The following TRIO variants were observed in gnomAD, a reference collection of about 807,000 sequenced individuals.
TRIO encodes the protein trio Rho guanine nucleotide exchange factor.
TRIO carries 58 observed loss-of-function variants against 351.9 expected under a neutral mutation model. The observed-to-expected ratio is 0.16, with a 90% CI of 0.13 to 0.21. The LOEUF is 0.21. Among genes scored for constraint, TRIO ranks in the 10% least tolerant of loss-of-function variants. The probability of loss-of-function intolerance (pLI) is 1.00; values close to 1 mark genes in which losing one functional copy is unlikely to be tolerated. For synonymous variants in TRIO, 1,758 were observed against 1,595.7 expected, an observed-to-expected ratio of 1.10 and a Z score of -2.42; for missense variants, 3,201 against 4,027.8, an observed-to-expected ratio of 0.79 and a Z score of 5.56.
At chr5:14,287,086 A>T (rs1334605749) in intron 4 of TRIO, 23 bp downstream of exon 4, 1 of 1,608,058 alleles carries the variant, frequency 6.2e-7, no homozygotes, top group East Asian at 2.2e-5. Flanking sequence ...GTGTGGCTAG[A>T]CCCACTAAAC....
intron 1 of TRIO, among the ~76,000 whole-genome samples, chr5:14,227,015 A>G (rs1561224886): frequency 6.6e-6 from 1 of 152,170 alleles, no homozygotes; most frequent in Non-Finnish European, 1.5e-5. Context: ...ATCATAGGAA[A>G]GCTTTTCATA....
chr5:14,159,058 C>T (rs1049478909), intron 1 of TRIO, among the ~76,000 whole-genome samples: 3 of 152,152 alleles, frequency 2.0e-5, no homozygotes, highest in Admixed American at 6.5e-5. Context: ...AAGGTTACCA[C>T]GCGCACAGTG....
chr5:14,264,899 G>A (rs938859742), intron 1 of TRIO, among the ~76,000 whole-genome samples: 1 of 152,154 alleles, frequency 6.6e-6, no homozygotes, highest in Non-Finnish European at 1.5e-5. Context: ...GCAGGCGTGC[G>A]CGCGCGAAGT....
rs1317129780 is a variant in TRIO, at chr5:14,504,447, G to A, written c.8466G>A (p.Val2822=). 1 of 1,614,186 alleles carries A rather than the reference G, an allele frequency of 6.2e-7. No individual in the cohort carries two copies. The highest frequency in any genetic ancestry group is 8.5e-7 in the Non-Finnish European group (1 of 1,180,042). Reference sequence around the variant, plus strand: ...ATCAGAAAGGAACCAAGCGAGCAGTGGCCACTAAGTTTGTGAACAAGAAGT... The same window carrying A: ...ATCAGAAAGGAACCAAGCGAGCAGTAGCCACTAAGTTTGTGAACAAGAAGT... ...KCDQKGTKRA[V]ATKFVNKKLM... is the part of the protein sequence containing the mutation. Residue 2822 remains valine (V), a synonymous_variant, in exon 55 of 57, where the codon GTG becomes GTA. Transcript: ENST00000344204.
chr5:14,302,393 G>T (rs1442078812), intron 7 of TRIO, among the ~76,000 whole-genome samples: 1 of 152,120 alleles, frequency 6.6e-6, no homozygotes, highest in Non-Finnish European at 1.5e-5. Flanking sequence ...AATGATGATG[G>T]TTAACCTCAA....
chr5:14,439,254 T>G (rs188908555), intron 34 of TRIO, among the ~76,000 whole-genome samples: 1 of 152,278 alleles, frequency 6.6e-6, no homozygotes, highest in Admixed American at 6.5e-5. Context: ...GACCTCATGA[T>G]CCACCTGCCT....
rs567680492 is a variant in TRIO, at chr5:14,172,870, T to C, written c.157+28988T>C. ...GCAGGTGTCATATCCTTGAGCCTGC[T>C]GAGGGATCAGAGTGGACTCTGGAAG... On this transcript the variant is annotated intron_variant, in intron 1 of 56. Coordinates refer to ENST00000344204, the MANE Select transcript of TRIO (RefSeq NM_007118.4). Among the ~76,000 whole-genome samples the C allele has an allele frequency of 1.8e-4, 27 of 152,324 alleles. No homozygotes were observed. In the South Asian group the frequency reaches 4.8e-3, roughly 27 times the overall value.
intron 7 of TRIO, among the ~76,000 whole-genome samples, chr5:14,302,193 G>C (rs1737961501): frequency 6.6e-6 from 1 of 152,154 alleles, no homozygotes; most frequent in Non-Finnish European, 1.5e-5. Context: ...TTTTGATATA[G>C]TGATATGTTA....
At chr5:14,456,243 C>T (rs1235495876) in intron 34 of TRIO, among the ~76,000 whole-genome samples, 3 of 152,258 alleles carry the variant, frequency 2.0e-5, no homozygotes, top group South Asian at 2.1e-4. Flanking sequence ...CCCCAGTTCC[C>T]GCCTGCACCT....
chr5:14,437,692 C>A (rs977081915), intron 34 of TRIO, among the ~76,000 whole-genome samples: 1 of 140,556 alleles, frequency 7.1e-6, no homozygotes, highest in Non-Finnish European at 1.5e-5. Flanking sequence ...GACCACCCCC[C>A]CCGCCCCAAG....
intron 34 of TRIO, chr5:14,420,481 C>G (rs927009583): frequency 1.3e-5 from 2 of 154,578 alleles, no homozygotes; most frequent in Middle Eastern, 3.1e-3. Flanking sequence ...CCGGATTTCT[C>G]AGGACCTAAA....
In TRIO at chr5:14,479,321, G is replaced by A; in HGVS notation, c.6214G>A (p.Val2072Ile). ...CQNKPKSEHI[V>I]SEYIDTFFED... ...AAATAAACCAAAGTCTGAGCACATT[G>A]TCTCAGAATACATTGATACCTTTTT... is the stretch of plus-strand genomic sequence containing the variant. The change falls in exon 42 of 57, where the codon GTC (valine) becomes ATC (isoleucine). Residue 2072 changes from valine (V) to isoleucine (I), a missense_variant. This residue lies in a region of TRIO where 307 missense variants were observed against 396.5 expected (regional missense o/e 0.77). Coordinates refer to ENST00000344204, the MANE Select transcript of TRIO (RefSeq NM_007118.4). The A allele has an allele frequency of 6.2e-7, 1 of 1,613,710 alleles. No homozygotes were observed. Among genetic ancestry groups the A allele is most frequent in the Non-Finnish European group, 8.5e-7 (1 of 1,179,838 alleles).
chr5:14,479,141 C>T (rs1755328083), intron 41 of TRIO, 120 bp from the exon 42 acceptor site: 2 of 792,620 alleles, frequency 2.5e-6, no homozygotes, highest in South Asian at 1.5e-5. Context: ...AGAGCCTTAG[C>T]TGTGCAGCTT....
chr5:14,282,943 A>G lies in TRIO; in HGVS notation c.347+2507A>G, dbSNP rs1437764582. ...GCATTTGCCGAGTGATAATGGAGAA[A>G]GATTTCAGAGTAGTCCAAATTGAAA... On this transcript the variant is annotated intron_variant, in intron 3 of 56. Coordinates refer to ENST00000344204, the MANE Select transcript of TRIO (RefSeq NM_007118.4). Among the ~76,000 whole-genome samples, 3 of 152,314 alleles carry G rather than the reference A, an allele frequency of 2.0e-5. No individual in the cohort carries two copies. In the South Asian group the frequency reaches 6.2e-4, roughly 32 times the overall value.
chr5:14,333,698 C>T (rs1741121899), intron 10 of TRIO, among the ~76,000 whole-genome samples: 1 of 152,166 alleles, frequency 6.6e-6, no homozygotes, highest in South Asian at 2.1e-4. Flanking sequence ...AGCCCTGCAG[C>T]CAAGGATTGC....
chr5:14,473,625 C>A (rs1161765748), intron 39 of TRIO, among the ~76,000 whole-genome samples: 1 of 152,172 alleles, frequency 6.6e-6, no homozygotes, highest in Non-Finnish European at 1.5e-5. Flanking sequence ...AAAAGAAAAT[C>A]TTTCTGTTTC....
intron 1 of TRIO, among the ~76,000 whole-genome samples, chr5:14,222,929 A>G (rs1374685861): frequency 1.3e-5 from 2 of 152,206 alleles, no homozygotes; most frequent in Non-Finnish European, 2.9e-5. Flanking sequence ...CAGTGTGGAC[A>G]TGTAAGTTCC....
intron 1 of TRIO, among the ~76,000 whole-genome samples, chr5:14,145,102 G>A (rs1038200482): frequency 2.0e-5 from 3 of 152,186 alleles, no homozygotes; most frequent in Non-Finnish European, 4.4e-5. Flanking sequence ...GACAGGCCGG[G>A]GGAGCGGCCC....
At chr5:14,386,439 G>T (rs1746549932) in intron 21 of TRIO, among the ~76,000 whole-genome samples, 2 of 152,088 alleles carry the variant, frequency 1.3e-5, no homozygotes, top group South Asian at 4.1e-4. Flanking sequence ...GATTTTACAA[G>T]CTAAGATCAT....
Sources: allele counts gnomAD v4.1 joint callset (sites outside exome capture counted in the v4.1 genomes callset), GRCh38; gene constraint gnomAD v4.1.1; regional missense constraint gnomAD v4.1.1; transcripts MANE v1.5; gene names NCBI Gene and HGNC (gene_info 2026-07-23, HGNC 2026-07-21).